The following DPP6 variants were observed in gnomAD, a reference collection of about 807,000 sequenced individuals.
DPP6 encodes the protein dipeptidyl peptidase like 6, also known as A-type potassium channel modulatory protein DPP6.
A neutral mutation model predicts 122.6 loss-of-function variants in DPP6; 69 were observed. That is an observed-to-expected ratio of 0.56 (90% confidence interval 0.46 to 0.69). The LOEUF is 0.69. Ranked by LOEUF, DPP6 falls within the 30% of genes least tolerant of loss-of-function variation. The pLI is 0.00. For synonymous variants in DPP6, 418 were observed against 433.1 expected (o/e 0.97, Z 0.43); for missense variants, 928 against 1,116.9 (o/e 0.83, Z 2.41).
chr7:154,513,161 G>T (rs1490480264), intron 3 of DPP6, among the ~76,000 whole-genome samples: 1 of 151,980 alleles, frequency 6.6e-6, no homozygotes, highest in Non-Finnish European at 1.5e-5. Context: ...CTTCATAAAT[G>T]ACTTATAGGG....
At chr7:154,286,927 C>T (rs148327105) in intron 1 of DPP6, among the ~76,000 whole-genome samples, 13 of 152,142 alleles carry the variant, frequency 8.5e-5, no homozygotes, top group East Asian at 1.9e-4. Context: ...CTCAGCCTCC[C>T]GAGTAGCTGG....
At chr7:153,812,897 A>C in the DPP6 span, among the ~76,000 whole-genome samples, 1 of 152,290 alleles carries the variant, frequency 6.6e-6, no homozygotes, top group East Asian at 1.9e-4. Flanking sequence ...GACCAAAACA[A>C]AGATTTATTT....
chr7:154,164,059 C>G (rs1218063915), intron 1 of DPP6, among the ~76,000 whole-genome samples: 1 of 152,122 alleles, frequency 6.6e-6, no homozygotes, highest in Admixed American at 6.5e-5. Context: ...CTGCCTGGCC[C>G]CGCCAAACCT....
intron 1 of DPP6, among the ~76,000 whole-genome samples, chr7:154,209,370 C>T (rs941157006): frequency 2.0e-5 from 3 of 152,164 alleles, no homozygotes; most frequent in South Asian, 2.1e-4. Flanking sequence ...AAAACTCAGC[C>T]TCCATGGATG....
intron 1 of DPP6, among the ~76,000 whole-genome samples, chr7:154,363,255 G>A (rs919921486): frequency 2.6e-5 from 4 of 152,164 alleles, no homozygotes; most frequent in African/African-American, 7.2e-5. Context: ...ATTGTTTAGA[G>A]TAAGAGGAAA....
the DPP6 span, among the ~76,000 whole-genome samples, chr7:153,799,698 AAAG>A: frequency 1.3e-5 from 2 of 152,190 alleles, no homozygotes; most frequent in African/African-American, 4.8e-5. Context: ...TTCCTCTAAA[AAAG>A]ATATTTTCTT....
At chr7:154,525,021 G>A (rs1475616009) in intron 3 of DPP6, among the ~76,000 whole-genome samples, 1 of 152,168 alleles carries the variant, frequency 6.6e-6, no homozygotes, top group East Asian at 1.9e-4. Flanking sequence ...GGATAATCAT[G>A]CTTCTAGCCC....
intron 1 of DPP6, among the ~76,000 whole-genome samples, chr7:154,124,234 T>A (rs553941069): frequency 4.6e-5 from 7 of 152,308 alleles, no homozygotes; most frequent in African/African-American, 1.7e-4. Context: ...GGCTGTGCAG[T>A]GATGAGCTGG....
At position 154,288,962 on chromosome 7, in the gene DPP6, A is replaced by G. The variant is rs192999373; in HGVS notation, c.244-157252A>G. 2.0e-3 allele frequency among the ~76,000 whole-genome samples: 300 copies of G among 152,296 alleles called. 1 individual carries two copies. The highest frequency in any genetic ancestry group is 6.8e-3 in the African/African-American group (282 of 41,560). ...TCTGCCATCCTGAGATTGACTAACT[A>G]TTGTCTCACCATCTCTTTGTCCTGG... On this transcript the variant is annotated intron_variant, in intron 1 of 25. Coordinates refer to ENST00000377770, the MANE Select transcript of DPP6 (RefSeq NM_130797.4).
At chr7:154,621,135 T>C (rs1322414428) in intron 5 of DPP6, among the ~76,000 whole-genome samples, 8 of 152,206 alleles carry the variant, frequency 5.3e-5, no homozygotes, top group African/African-American at 1.9e-4. Flanking sequence ...ATTTTAAAAA[T>C]TATTTCCTCT....
intron 8 of DPP6, among the ~76,000 whole-genome samples, chr7:154,768,560 C>T (rs1490941064): frequency 6.6e-6 from 1 of 152,146 alleles, no homozygotes; most frequent in Non-Finnish European, 1.5e-5. Flanking sequence ...AAGAGCTGTT[C>T]ACAATGAAAT....
chr7:154,488,689 A>G lies in DPP6; in HGVS notation c.457+13652A>G, dbSNP rs143887771. Among the ~76,000 whole-genome samples, 623 of 152,062 alleles carry G rather than the reference A, an allele frequency of 4.1e-3. 3 individuals carry two copies. The highest frequency in any genetic ancestry group is 0.014 in the African/African-American group (590 of 41,488). On this transcript the variant is annotated intron_variant, in intron 3 of 25. Transcript: ENST00000377770. ...CATCCCGTGAAAGACAGGCGAGGCC[A>G]TCGTCTCTACACAGCCCACATATTT...
the DPP6 span, among the ~76,000 whole-genome samples, chr7:153,834,139 T>C: frequency 1.3e-5 from 2 of 151,940 alleles, no homozygotes; most frequent in Admixed American, 1.3e-4. Flanking sequence ...ACACAAAACT[T>C]AGCCGGGTGT....
rs1263284407 is a variant in DPP6, at chr7:154,305,599, C to T, written c.244-140615C>T. 5.8e-6 allele frequency: 9 copies of T among 1,562,006 alleles called. No homozygotes were observed. The East Asian group carries it at 1.9e-4, about 33-fold the overall frequency. On this transcript the variant is annotated intron_variant, in intron 1 of 25. Transcript: ENST00000377770. ...GTGTGTGTGTGTGTGCGTGCGTGTG[C>T]ATGCGTGCATATGTGTGTGCATGAG...
rs559518074 is a variant in DPP6 at position 154,241,874 on chromosome 7, C to T, written c.243+188811C>T. Among the ~76,000 whole-genome samples, 3 of 152,340 alleles carry T rather than the reference C, an allele frequency of 2.0e-5. No individual in the cohort carries two copies. The highest frequency in any genetic ancestry group is 4.1e-4 in the South Asian group (2 of 4,824). On this transcript the variant is annotated intron_variant, in intron 1 of 25. Transcript: ENST00000377770. This position sits in a 1 kb window ranked among gnomAD's most constrained non-coding sequence, Gnocchi z 9.0. ...GTCATCTCTGCTTTTCCACCCACCC[C>T]TACCCCAACACTCATCCTACTTACC...
intron 8 of DPP6, among the ~76,000 whole-genome samples, chr7:154,763,669 C>G (rs1455079581): frequency 6.6e-6 from 1 of 152,220 alleles, no homozygotes; most frequent in Non-Finnish European, 1.5e-5. Flanking sequence ...AGAGCCTATT[C>G]TGCAGGAGCG....
At chr7:153,928,385 TC>T (rs1801006035) in intron 1 of DPP6, among the ~76,000 whole-genome samples, 1 of 136,352 alleles carries the variant, frequency 7.3e-6, no homozygotes, top group Admixed American at 8.2e-5. Context: ...CTAATTTTTT[TC>T]TTTTCTTTCA....
intron 1 of DPP6, among the ~76,000 whole-genome samples, chr7:154,230,831 C>T (rs1420467802): frequency 6.6e-6 from 1 of 152,168 alleles, no homozygotes; most frequent in African/African-American, 2.4e-5. Context: ...AACCTATAGA[C>T]TACTGTGTGA....
At chr7:154,871,707 G>A (rs974920511) in intron 18 of DPP6, among the ~76,000 whole-genome samples, 12 of 152,134 alleles carry the variant, frequency 7.9e-5, no homozygotes, top group African/African-American at 1.2e-4. Context: ...CATTCAGCCC[G>A]AATCAGTAAT....
Sources: gnomAD v4.1 joint callset for allele counts (sites outside exome capture counted in the v4.1 genomes callset) on GRCh38, gnomAD v4.1.1 for gene constraint, Gnocchi (gnomAD v3.1) non-coding constraint, MANE v1.5 for transcripts, NCBI Gene and HGNC (gene_info 2026-07-23, HGNC 2026-07-21) for gene names.